OGDH: variants seen among roughly 807,000 people sequenced by gnomAD.
The protein encoded by OGDH is oxoglutarate dehydrogenase, also known as 2-oxoglutarate dehydrogenase complex component E1.
OGDH carries 38 observed loss-of-function variants against 116.6 expected under a neutral mutation model. The ratio of observed to expected loss-of-function variants is 0.33; its 90% CI spans 0.25 to 0.43. The LOEUF (loss-of-function observed/expected upper bound fraction) is 0.43, where lower values mean the gene tolerates loss of function less well. Ranked by LOEUF, OGDH falls within the 20% of genes least tolerant of loss-of-function variation. The pLI is 1.00. For synonymous variants in OGDH, 488 were observed against 533.3 expected (o/e 0.92, Z 1.17); for missense variants, 825 against 1,357.2 (o/e 0.61, Z 6.16).
chr7:44,694,575 A>G lies in OGDH; in HGVS notation c.1667A>G (p.Glu556Gly). The change falls in exon 12 of 23, where the codon GAG becomes GGG. Residue 556 changes from glutamate (E) to glycine (G), a missense_variant and splice_region_variant. Coordinates refer to ENST00000222673, the MANE Select transcript of OGDH (RefSeq NM_002541.4). This position sits in a 1 kb window ranked among gnomAD's most constrained non-coding sequence, Gnocchi z 4.2. ...SQGVVNQPEY[E>G]EEISKYDKIC... ...GGTGTGGTCAACCAGCCTGAGTATG[A>G]GGTACGTCCCTGCGGCTCTATCCCA... The G allele has an allele frequency of 1.9e-6, 3 of 1,614,024 alleles. No individual in the cohort carries two copies. Among genetic ancestry groups the G allele is most frequent in the Non-Finnish European group, 2.5e-6 (3 of 1,179,956 alleles).
chr7:44,631,013 T>A (rs1352918617), intron 2 of OGDH, among the ~76,000 whole-genome samples: 1 of 152,174 alleles, frequency 6.6e-6, no homozygotes, highest in Admixed American at 6.5e-5. Context: ...AATGCTCGCT[T>A]GCCGCTCACT....
chr7:44,666,645 G>T (rs1585320580), intron 4 of OGDH, 91 bp from the exon 5 acceptor site: 1 of 549,582 alleles, frequency 1.8e-6, no homozygotes, highest in Non-Finnish European at 3.2e-6. Flanking sequence ...CTCACCTGGG[G>T]AGTTCCTTCC....
intron 10 of OGDH, among the ~76,000 whole-genome samples, chr7:44,684,774 C>CT (rs886402261): frequency 3.9e-5 from 6 of 152,106 alleles, no homozygotes; most frequent in African/African-American, 1.4e-4. Context: ...ACCAACCTCA[C>CT]TACTGAACTG....
intron 4 of OGDH, among the ~76,000 whole-genome samples, chr7:44,649,269 A>C (rs1190096732): frequency 1.7e-5 from 1 of 58,990 alleles, no homozygotes; most frequent in Non-Finnish European, 3.0e-5. Flanking sequence ...TTTTTTTTTG[A>C]GATGGGGTCT....
chr7:44,688,008 T>A (rs1788204746), intron 10 of OGDH, among the ~76,000 whole-genome samples: 1 of 152,172 alleles, frequency 6.6e-6, no homozygotes, highest in Admixed American at 6.5e-5. Flanking sequence ...ATTAATTGAA[T>A]CATACAATAT....
chr7:44,664,716 T>G (rs1107682), intron 4 of OGDH, among the ~76,000 whole-genome samples: 168 of 152,250 alleles, frequency 1.1e-3, no homozygotes, highest in Non-Finnish European at 2.0e-3. Flanking sequence ...GATTTTTAGT[T>G]GTACTTATTG....
intron 2 of OGDH, among the ~76,000 whole-genome samples, chr7:44,633,781 G>A (rs562702614): frequency 2.3e-4 from 35 of 152,268 alleles, no homozygotes; most frequent in Admixed American, 1.6e-3. Flanking sequence ...TCAACCAGAC[G>A]ACCACAGGTG....
intron 2 of OGDH, among the ~76,000 whole-genome samples, chr7:44,642,864 A>G (rs1201419492): frequency 6.6e-6 from 1 of 151,096 alleles, no homozygotes; most frequent in Admixed American, 6.6e-5. Context: ...AGAGGTTGCA[A>G]TGAGCCGAGA....
rs768262264 is a variant in OGDH at position 44,624,374 on chromosome 7, T to C, written c.31T>C (p.Leu11=). The stretch of plus-strand genomic sequence containing the variant: ...TCATTTAAGGACTTGTGCTGCTAAG[T>C]TGAGGCCATTGACGGCTTCCCAGAC... MFHLRTCAAK[L]RPLTASQTVK... is the part of the protein sequence containing the mutation. The change falls in exon 2 of 23, where the codon TTG becomes CTG. Residue 11 remains leucine (L), a synonymous_variant. Coordinates refer to ENST00000222673, the MANE Select transcript of OGDH (RefSeq NM_002541.4). 1 of 1,607,410 alleles carries C rather than the reference T, an allele frequency of 6.2e-7. No individual in the cohort carries two copies. The highest frequency in any genetic ancestry group is 8.5e-7 in the Non-Finnish European group (1 of 1,178,620).
At chr7:44,695,944 CAGAA>C (rs1788563228) in intron 12 of OGDH, 77 bp from the exon 13 acceptor site, 6 of 777,258 alleles carry the variant, frequency 7.7e-6, no homozygotes, top group Middle Eastern at 3.5e-4. Flanking sequence ...TGGTGGCTGT[CAGAA>C]AGTGTGGGGG....
At chr7:44,691,531 C>CAAAA (rs56021103) in intron 10 of OGDH, among the ~76,000 whole-genome samples, 1 of 77,744 alleles carries the variant, frequency 1.3e-5, no homozygotes, top group African/African-American at 4.4e-5. Context: ...GACCTTCTCT[C>CAAAA]AAAAAAAAAA....
chr7:44,635,440 C>T (rs945068351), intron 2 of OGDH, among the ~76,000 whole-genome samples: 4 of 152,166 alleles, frequency 2.6e-5, no homozygotes, highest in African/African-American at 7.2e-5. Context: ...GCCTGCCCCA[C>T]CCGCGCCGCG....
intron 19 of OGDH, among the ~76,000 whole-genome samples, chr7:44,701,322 G>T (rs1788820030): frequency 6.6e-6 from 1 of 152,164 alleles, no homozygotes; most frequent in African/African-American, 2.4e-5. Context: ...GATGGGCCCT[G>T]CCAGGAGTGG....
intron 4 of OGDH, among the ~76,000 whole-genome samples, chr7:44,663,601 G>A (rs545446154): frequency 2.6e-5 from 4 of 152,152 alleles, no homozygotes; most frequent in East Asian, 3.9e-4. Context: ...AAACCCCGTC[G>A]CTACTAAAAA....
chr7:44,624,401 GTTAAGACA>G lies in OGDH; in HGVS notation c.61_68del (p.Lys21PhefsTer9), dbSNP rs1562618057. ...GAGGCCATTGACGGCTTCCCAGACT[GTTAAGACA>G]TTTTCACAAAACAGACCAGCAGCAG... On this transcript the variant is annotated frameshift_variant, in exon 2 of 23. Coordinates refer to ENST00000222673, the MANE Select transcript of OGDH (RefSeq NM_002541.4). LOFTEE classifies it high-confidence loss of function. 1 of 1,604,466 alleles carries G rather than the reference GTTAAGACA, an allele frequency of 6.2e-7. No homozygotes were observed. The highest frequency in any genetic ancestry group is 1.7e-5 in the Admixed American group (1 of 57,956).
At chr7:44,672,308 G>A (rs1356373791) in intron 5 of OGDH, among the ~76,000 whole-genome samples, 1 of 152,140 alleles carries the variant, frequency 6.6e-6, no homozygotes, top group African/African-American at 2.4e-5. Context: ...GCTGGTCTCA[G>A]ATTCAGCACA....
At chr7:44,658,811 A>G (rs558623224) in intron 4 of OGDH, among the ~76,000 whole-genome samples, 2 of 152,136 alleles carry the variant, frequency 1.3e-5, no homozygotes, top group South Asian at 2.1e-4. Context: ...TTTTTCCTGC[A>G]TTGATATGAT....
intron 18 of OGDH, among the ~76,000 whole-genome samples, chr7:44,699,901 CT>C (rs1318908552): frequency 6.6e-6 from 1 of 152,072 alleles, no homozygotes; most frequent in East Asian, 1.9e-4. Flanking sequence ...GGGCCACACA[CT>C]TTCAACAACC....
Position 44,694,676 on chromosome 7 carries a change from G to C in OGDH, c.1668+100G>C. On this transcript the variant is annotated intron_variant, in intron 12 of 22. Transcript: ENST00000222673. The surrounding 1 kb of genome is among the most constrained non-coding windows in gnomAD (Gnocchi z 4.2). ...AGTTCTCACTTTTGCCAGTTATGAGGATACACGTGAGAGGATGTGAAATAT... is the reference window on the plus strand; with the variant it reads ...AGTTCTCACTTTTGCCAGTTATGAGCATACACGTGAGAGGATGTGAAATAT... 2 of 1,343,680 alleles carry C rather than the reference G, an allele frequency of 1.5e-6. No homozygotes were observed. 83.2% of individuals were successfully genotyped at this position (1,343,680 alleles called of 1,614,324 possible). A position where few individuals can be genotyped will look rare whatever the true frequency, so the allele number is the denominator to read the frequency against.
Sources: gnomAD v4.1 joint callset for allele counts (sites outside exome capture counted in the v4.1 genomes callset) on GRCh38, gnomAD v4.1.1 for gene constraint, Gnocchi (gnomAD v3.1) non-coding constraint, MANE v1.5 for transcripts, NCBI Gene and HGNC (gene_info 2026-07-23, HGNC 2026-07-21) for gene names.